UBE2W: variants seen among roughly 807,000 people sequenced by gnomAD.
UBE2W encodes ubiquitin conjugating enzyme E2 W.
Under a neutral mutation model 27.2 loss-of-function variants are expected in UBE2W, and 18 were observed. The observed-to-expected ratio is 0.66, with a 90% CI of 0.46 to 0.98. UBE2W has a LOEUF of 0.98. Among genes scored for constraint, UBE2W ranks in the 50% least tolerant of loss-of-function variants. The pLI is 0.00. For missense variants in UBE2W, 90 were observed against 180.2 expected (o/e 0.50, Z 2.87); for synonymous variants, 53 against 57.2 (o/e 0.93, Z 0.33).
chr8:73,860,036 A>G (rs542522017), intron 1 of UBE2W, among the ~76,000 whole-genome samples: 6 of 152,116 alleles, frequency 3.9e-5, no homozygotes, highest in Admixed American at 6.6e-5. Context: ...AAGCAGTCAC[A>G]TAATCTTACC....
rs201097162 is a variant in UBE2W at position 73,805,771 on chromosome 8, G to A, written c.367-45C>T. 2.7e-5 allele frequency: 32 copies of A among 1,169,198 alleles called. No homozygotes were observed. The African/African-American group carries it at 4.5e-4, about 16-fold the overall frequency. 72.4% of individuals were successfully genotyped at this position (1,169,198 alleles called of 1,614,324 possible). A position where few individuals can be genotyped will look rare whatever the true frequency, so the allele number is the denominator to read the frequency against. ...AAATAGGTTGAAAAACAGAAAAACT[G>A]AGAGGGTGACAGTTTTAATAAAAGC... On this transcript the variant is annotated intron_variant, in intron 4 of 5. Transcript: ENST00000602593.
chr8:73,794,707 A>T (rs951162613), intron 5 of UBE2W, among the ~76,000 whole-genome samples: 1 of 152,056 alleles, frequency 6.6e-6, no homozygotes, highest in African/African-American at 2.4e-5. Context: ...TTTTGAGACC[A>T]GCCTGGCCAA....
Position 73,852,894 on chromosome 8 carries a change from T to C in UBE2W, c.16-22422A>G, listed in dbSNP as rs114107777. Among the ~76,000 whole-genome samples the C allele has an allele frequency of 2.7e-3, 406 of 152,348 alleles. 1 individual carries two copies. Among genetic ancestry groups the C allele is most frequent in the African/African-American group, 9.4e-3 (393 of 41,592 alleles). ...AGGGTATGTCATGTCATGTATTTCT[T>C]CAAAATGTAAGCAAAATGCAAACTT... On this transcript the variant is annotated intron_variant, in intron 1 of 5. Transcript: ENST00000602593.
At chr8:73,785,570 T>C (rs1430108099), downstream of UBE2W, among the ~76,000 whole-genome samples, 1 of 151,986 alleles carries the variant, frequency 6.6e-6, no homozygotes, top group Non-Finnish European at 1.5e-5. Flanking sequence ...CAGTACCTAA[T>C]ATGTAGTTTT....
intron 3 of UBE2W, among the ~76,000 whole-genome samples, chr8:73,818,870 G>T (rs144947152): frequency 1.3e-5 from 2 of 152,360 alleles, no homozygotes; most frequent in Non-Finnish European, 2.9e-5. Flanking sequence ...GCCAACACCA[G>T]AAGCAGATGG....
intron 1 of UBE2W, among the ~76,000 whole-genome samples, chr8:73,866,139 C>T (rs908742790): frequency 2.0e-5 from 3 of 151,414 alleles, no homozygotes; most frequent in Admixed American, 6.6e-5. Flanking sequence ...GGTGTGGCAG[C>T]GCGTGCCTGT....
chr8:73,796,084 A>AAAGG (rs55682432), intron 5 of UBE2W, among the ~76,000 whole-genome samples: 33 of 138,158 alleles, frequency 2.4e-4, no homozygotes, highest in African/African-American at 8.9e-4. Context: ...AAAAAAAAAA[A>AAAGG]GGGGGATGTT....
intron 1 of UBE2W, among the ~76,000 whole-genome samples, chr8:73,861,819 T>C (rs1158279116): frequency 6.6e-6 from 1 of 152,168 alleles, no homozygotes; most frequent in Non-Finnish European, 1.5e-5. Context: ...ATGACAGCTA[T>C]TTTGTTTGTT....
intron 1 of UBE2W, among the ~76,000 whole-genome samples, chr8:73,844,720 G>A (rs1014706542): frequency 1.3e-5 from 2 of 151,654 alleles, no homozygotes; most frequent in Non-Finnish European, 2.9e-5. Flanking sequence ...CTGCCCAGCC[G>A]CCCATCGTCT....
At chr8:73,801,782 A>C (rs1216296103) in intron 5 of UBE2W, among the ~76,000 whole-genome samples, 1 of 152,244 alleles carries the variant, frequency 6.6e-6, no homozygotes, top group Non-Finnish European at 1.5e-5. Context: ...CCTGTTAATT[A>C]ATGAGTCTAT....
At chr8:73,873,247 T>C (rs1238200824) in intron 1 of UBE2W, among the ~76,000 whole-genome samples, 2 of 152,184 alleles carry the variant, frequency 1.3e-5, no homozygotes, top group African/African-American at 4.8e-5. Flanking sequence ...CCTTCCATAC[T>C]GACATCAACA....
At chr8:73,876,424 T>C (rs1812223955) in intron 1 of UBE2W, among the ~76,000 whole-genome samples, 1 of 152,116 alleles carries the variant, frequency 6.6e-6, no homozygotes, top group South Asian at 2.1e-4. Context: ...TTCTTAAAGA[T>C]ACTACCAGCA....
At chr8:73,871,307 T>C (rs1329160638) in intron 1 of UBE2W, among the ~76,000 whole-genome samples, 2 of 152,202 alleles carry the variant, frequency 1.3e-5, no homozygotes, top group African/African-American at 4.8e-5. Context: ...TGGAATGAAG[T>C]TGCCTATATA....
intron 5 of UBE2W, among the ~76,000 whole-genome samples, chr8:73,803,301 T>C (rs924694771): frequency 1.3e-5 from 2 of 152,204 alleles, no homozygotes; most frequent in Non-Finnish European, 2.9e-5. Flanking sequence ...CTCCAAAGGA[T>C]TACAGATTTT....
In UBE2W at chr8:73,788,300, G is replaced by C; in HGVS notation, c.*5802C>G. On this transcript the variant is annotated 3_prime_UTR_variant, in exon 6 of 6. Coordinates refer to ENST00000602593, the MANE Select transcript of UBE2W (RefSeq NM_018299.6). ...TGACTTTACATATTTTGCAACTTGA[G>C]TTTATAAAATATATACATCCACCCT... 1 of 984,014 alleles carries C rather than the reference G, an allele frequency of 1.0e-6. No individual in the cohort carries two copies. The highest frequency in any genetic ancestry group is 4.7e-5 in the South Asian group (1 of 21,252). The allele number at this position is 984,014 out of a possible 1,614,324, so 61.0% of individuals were successfully genotyped here. A position where few individuals can be genotyped will look rare whatever the true frequency, so the allele number is the denominator to read the frequency against.
intron 1 of UBE2W, among the ~76,000 whole-genome samples, chr8:73,836,721 G>A (rs978987651): frequency 3.3e-5 from 5 of 152,170 alleles, no homozygotes; most frequent in African/African-American, 1.2e-4. Context: ...ACCTATAAAT[G>A]AAGACAAAGT....
intron 1 of UBE2W, among the ~76,000 whole-genome samples, chr8:73,865,649 T>G (rs1156365441): frequency 6.6e-6 from 1 of 152,206 alleles, no homozygotes; most frequent in Non-Finnish European, 1.5e-5. Context: ...GGTAATTTTC[T>G]CTACTAGAAT....
downstream of UBE2W, among the ~76,000 whole-genome samples, chr8:73,785,777 G>A (rs1807937354): frequency 6.6e-6 from 1 of 152,102 alleles, no homozygotes; most frequent in Non-Finnish European, 1.5e-5. Flanking sequence ...GTAGATACGG[G>A]GTTTCACCAT....
rs1808183306 is a variant in UBE2W at position 73,791,293 on chromosome 8, T to C, written c.*2809A>G. On this transcript the variant is annotated 3_prime_UTR_variant, in exon 6 of 6. Coordinates refer to ENST00000602593, the MANE Select transcript of UBE2W (RefSeq NM_018299.6). ...AAAAAAAAAAAAAAGAAGGGCATCATGTTCATGATCTAAGCATGCATAAAT... is the reference window on the plus strand; with the variant it reads ...AAAAAAAAAAAAAAGAAGGGCATCACGTTCATGATCTAAGCATGCATAAAT... 3.1e-6 allele frequency: 3 copies of C among 981,162 alleles called. No homozygotes were observed. The African/African-American group carries it at 5.3e-5, about 17-fold the overall frequency. The allele number at this position is 981,162 out of a possible 1,614,324, so 60.8% of individuals were successfully genotyped here. A position where few individuals can be genotyped will look rare whatever the true frequency, so the allele number is the denominator to read the frequency against.
Sources: gnomAD v4.1 joint callset for allele counts (sites outside exome capture counted in the v4.1 genomes callset) on GRCh38, gnomAD v4.1.1 for gene constraint, MANE v1.5 for transcripts, NCBI Gene and HGNC (gene_info 2026-07-23, HGNC 2026-07-21) for gene names.